NDFIP2: variants seen among roughly 807,000 people sequenced by gnomAD.
NDFIP2 encodes the protein NEDD4 family-interacting protein 2.
A neutral mutation model predicts 36.0 loss-of-function variants in NDFIP2; 19 were observed. The observed-to-expected ratio is 0.53, with a 90% CI of 0.37 to 0.77. The LOEUF is 0.77. Among genes scored for constraint, NDFIP2 ranks in the 30% least tolerant of loss-of-function variants. NDFIP2 has a pLI of 0.00. For missense variants in NDFIP2, 446 were observed against 435.8 expected (o/e 1.02, Z -0.21); for synonymous variants, 181 against 167.7 (o/e 1.08, Z -0.61).
At chr13:79,531,622 TG>T (rs1875019624) in intron 2 of NDFIP2, among the ~76,000 whole-genome samples, 1 of 152,240 alleles carries the variant, frequency 6.6e-6, no homozygotes, top group South Asian at 2.1e-4. Context: ...TTTATGAAGA[TG>T]GCTTCTTTGA....
intron 1 of NDFIP2, among the ~76,000 whole-genome samples, chr13:79,493,117 G>A (rs1316130064): frequency 1.3e-5 from 2 of 152,200 alleles, no homozygotes; most frequent in South Asian, 2.1e-4. Flanking sequence ...GGGAAGCAGG[G>A]CTTAGATCTG....
At chr13:79,521,062 T>C (rs1201563786) in intron 2 of NDFIP2, 87 bp downstream of exon 2, 1 of 1,132,182 alleles carries the variant, frequency 8.8e-7, no homozygotes, top group East Asian at 2.5e-5. Flanking sequence ...GTTAATGGGC[T>C]TATAAACATA....
At chr13:79,491,037 C>A (rs1015057983) in intron 1 of NDFIP2, among the ~76,000 whole-genome samples, 1 of 152,164 alleles carries the variant, frequency 6.6e-6, no homozygotes, top group African/African-American at 2.4e-5. Context: ...TACTCCTTAT[C>A]GCTGTTTCCT....
At chr13:79,535,068 G>A (rs1875180898) in intron 3 of NDFIP2, among the ~76,000 whole-genome samples, 2 of 152,122 alleles carry the variant, frequency 1.3e-5, no homozygotes, top group African/African-American at 4.8e-5. Flanking sequence ...TTGTTGCTTT[G>A]AGGGGAACAT....
intron 1 of NDFIP2, among the ~76,000 whole-genome samples, chr13:79,507,982 A>G (rs1873935436): frequency 6.6e-6 from 1 of 151,994 alleles, no homozygotes; most frequent in African/African-American, 2.4e-5. Context: ...CCTTATTATA[A>G]TGTATATTTT....
intron 3 of NDFIP2, among the ~76,000 whole-genome samples, chr13:79,534,607 T>G (rs79711547): frequency 6.6e-6 from 1 of 152,074 alleles, no homozygotes; most frequent in African/African-American, 2.4e-5. Context: ...AGGGCTAGAA[T>G]TTTTTGCCTT....
chr13:79,528,534 C>T (rs1465099791), intron 2 of NDFIP2, among the ~76,000 whole-genome samples: 1 of 152,152 alleles, frequency 6.6e-6, no homozygotes, highest in Non-Finnish European at 1.5e-5. Flanking sequence ...CCTAGGCCTT[C>T]ACGTTCACTC....
intron 1 of NDFIP2, chr13:79,519,005 C>G (rs1249551567): frequency 6.6e-6 from 1 of 152,182 alleles, no homozygotes; most frequent in Non-Finnish European, 1.5e-5. Context: ...TTGGGTTTCA[C>G]CATATTGCCC....
intron 1 of NDFIP2, among the ~76,000 whole-genome samples, chr13:79,492,588 T>G (rs145259938): frequency 2.6e-5 from 4 of 152,142 alleles, no homozygotes; most frequent in Non-Finnish European, 5.9e-5. Flanking sequence ...TTTTTAGAGA[T>G]AGAGTCTTAC....
intron 4 of NDFIP2, among the ~76,000 whole-genome samples, chr13:79,542,775 A>G (rs529007563): frequency 7.4e-4 from 113 of 152,276 alleles, no homozygotes; most frequent in African/African-American, 2.6e-3. Flanking sequence ...ATTACATAGC[A>G]TAAGTAAATT....
intron 1 of NDFIP2, among the ~76,000 whole-genome samples, chr13:79,499,053 C>A (rs1234629829): frequency 6.6e-6 from 1 of 151,914 alleles, no homozygotes; most frequent in African/African-American, 2.4e-5. Flanking sequence ...AATTATATGC[C>A]ATGACCAAAT....
At chr13:79,484,157 A>T (rs1192553835) in intron 1 of NDFIP2, among the ~76,000 whole-genome samples, 1 of 151,970 alleles carries the variant, frequency 6.6e-6, no homozygotes, top group East Asian at 1.9e-4. Flanking sequence ...CTGGGACTAC[A>T]AGTGTGGTGC....
At chr13:79,552,056 C>T (rs1470809803) in intron 7 of NDFIP2, among the ~76,000 whole-genome samples, 1 of 151,158 alleles carries the variant, frequency 6.6e-6, no homozygotes, top group Non-Finnish European at 1.5e-5. Flanking sequence ...TATACATAAG[C>T]TTATATAATT....
intron 5 of NDFIP2, among the ~76,000 whole-genome samples, chr13:79,546,118 A>G (rs1271140313): frequency 6.6e-6 from 1 of 152,192 alleles, no homozygotes; most frequent in East Asian, 1.9e-4. Flanking sequence ...GTTACACTGT[A>G]CTTTGACTTT....
intron 1 of NDFIP2, 56 bp downstream of exon 1, chr13:79,481,580 G>A (rs542690831): frequency 6.7e-7 from 1 of 1,500,800 alleles, no homozygotes; most frequent in South Asian, 1.3e-5. Context: ...GGCGTCCCGA[G>A]AGTCCCTTTC....
At chr13:79,506,657 G>A (rs1873879454) in intron 1 of NDFIP2, among the ~76,000 whole-genome samples, 1 of 152,002 alleles carries the variant, frequency 6.6e-6, no homozygotes, top group Non-Finnish European at 1.5e-5. Context: ...AATATAGGCA[G>A]TACATATAAG....
chr13:79,545,487 C>G (rs1301622089), intron 5 of NDFIP2, among the ~76,000 whole-genome samples: 1 of 152,166 alleles, frequency 6.6e-6, no homozygotes, highest in Non-Finnish European at 1.5e-5. Flanking sequence ...AATACTTTTA[C>G]TGAGTTAGAG....
At chr13:79,495,943 A>C (rs7317825) in intron 1 of NDFIP2, among the ~76,000 whole-genome samples, 1,721 of 151,960 alleles carry the variant, frequency 0.011, 35 homozygotes, top group African/African-American at 0.04. Context: ...AAAAATGTAG[A>C]ACTTCCTAAC....
At chr13:79,511,141 A>G (rs567998007) in intron 1 of NDFIP2, among the ~76,000 whole-genome samples, 2 of 152,302 alleles carry the variant, frequency 1.3e-5, no homozygotes, top group Non-Finnish European at 2.9e-5. Context: ...GGACAACGGA[A>G]GGCCCTCAGA....
Sources: gnomAD v4.1 joint callset for allele counts (sites outside exome capture counted in the v4.1 genomes callset) on GRCh38, gnomAD v4.1.1 for gene constraint, MANE v1.5 for transcripts, NCBI Gene and HGNC (gene_info 2026-07-23, HGNC 2026-07-21) for gene names.